Variants in PKHD1 observed in about 807,000 individuals in gnomAD.
The protein encoded by PKHD1 is PKHD1 ciliary IPT domain containing fibrocystin/polyductin, also known as fibrocystin.
A neutral mutation model predicts 412.0 loss-of-function variants in PKHD1; 291 were observed. The ratio of observed to expected loss-of-function variants is 0.71; its 90% CI spans 0.64 to 0.78. The LOEUF is 0.78. Ranked by LOEUF, PKHD1 falls within the 30% of genes least tolerant of loss-of-function variation. The pLI, the probability that PKHD1 is intolerant of heterozygous loss-of-function variation, is 0.00. For synonymous variants in PKHD1, 1,777 were observed against 1,821.5 expected, an observed-to-expected ratio of 0.98 and a Z score of 0.62; for missense variants, 4,825 against 4,950.7, an observed-to-expected ratio of 0.97 and a Z score of 0.76.
chr6:51,619,356 G>T lies in PKHD1; in HGVS notation c.11950C>A (p.Pro3984Thr). Residue 3984 changes from proline to threonine, a missense_variant, in exon 67 of 67, where the codon CCA becomes ACA. Physicochemically the swap from Pro to Thr is conservative, Grantham distance 38. Transcript: ENST00000371117. Reference sequence around the variant, plus strand: ...TACACCTGCTGAGCAGGAGCACCTGGAGCACAGATGTGCCCATGGGATGTG... The same window carrying T: ...TACACCTGCTGAGCAGGAGCACCTGTAGCACAGATGTGCCCATGGGATGTG... ...GITSHGHICA[P>T]GAPAQQVYLQ... 6.2e-7 allele frequency: 1 copy of T among 1,614,192 alleles called. No individual in the cohort carries two copies. Among genetic ancestry groups the T allele is most frequent in the Non-Finnish European group, 8.5e-7 (1 of 1,180,012 alleles).
In PKHD1 at chr6:51,860,958, C is replaced by A. The variant is rs1304338737; in HGVS notation, c.7734-4888G>T. On this transcript the variant is annotated intron_variant, in intron 48 of 66. Transcript: ENST00000371117. ...TCCTGAGTAGCTGGGATTACAGGCACCCACCACCACACCCAGCTAATTTTT... is the reference window on the plus strand; with the variant it reads ...TCCTGAGTAGCTGGGATTACAGGCAACCACCACCACACCCAGCTAATTTTT... 1.7e-4 allele frequency among the ~76,000 whole-genome samples: 26 copies of A among 151,946 alleles called. 1 individual carries two copies. Among genetic ancestry groups the A allele is most frequent in the Non-Finnish European group, 2.6e-4 (18 of 67,988 alleles).
chr6:51,874,906 G>A lies in PKHD1; in HGVS notation c.7351-4267C>T, dbSNP rs1370759689. Among the ~76,000 whole-genome samples, 4 of 89,406 alleles carry A rather than the reference G, an allele frequency of 4.5e-5. 1 individual carries two copies. The highest frequency in any genetic ancestry group is 2.6e-3 in the East Asian group (2 of 774). The allele number at this position is 89,406 out of a possible 152,430, so 58.7% of individuals were successfully genotyped here. Reference sequence around the variant, plus strand: ...AGTGGGCGCAGGCCAGTGTGTGTGCGCACCGTGCGCGAGCCGAAGCAGGGC... The same window carrying A: ...AGTGGGCGCAGGCCAGTGTGTGTGCACACCGTGCGCGAGCCGAAGCAGGGC... On this transcript the variant is annotated intron_variant, in intron 46 of 66. Transcript: ENST00000371117.
chr6:52,071,992 A>G (rs1810676467), intron 8 of PKHD1, 123 bp downstream of exon 8: 1 of 723,172 alleles, frequency 1.4e-6, no homozygotes, highest in African/African-American at 1.8e-5. Context: ...GCTATGTGTG[A>G]TTTATATTTT....
intron 50 of PKHD1, among the ~76,000 whole-genome samples, chr6:51,838,672 G>A (rs1769661333): frequency 6.6e-6 from 1 of 152,110 alleles, no homozygotes; most frequent in Admixed American, 6.6e-5. Flanking sequence ...GAGACAGAGG[G>A]CTATCTCTTC....
intron 52 of PKHD1, among the ~76,000 whole-genome samples, chr6:51,822,760 T>C (rs927079800): frequency 3.4e-4 from 52 of 152,266 alleles, no homozygotes; most frequent in Middle Eastern, 3.4e-3. Context: ...TTTACATGCA[T>C]CCTCTATTTC....
chr6:51,659,861 C>A lies in PKHD1; in HGVS notation c.10265G>T (p.Trp3422Leu), dbSNP rs1562044017. 1 of 1,613,672 alleles carries A rather than the reference C, an allele frequency of 6.2e-7. No homozygotes were observed. Among genetic ancestry groups the A allele is most frequent in the East Asian group, 2.2e-5 (1 of 44,850 alleles). The change falls in exon 61 of 67, where the codon TGG becomes TTG. Residue 3422 changes from tryptophan to leucine, a missense_variant. By Grantham distance (61) the Trp-to-Leu change is moderately conservative. Transcript: ENST00000371117. ...VLILDSADAIWAIQKLYPVVS... is the reference protein window; with the variant it reads ...VLILDSADAILAIQKLYPVVS... ...AACTGGATATAACTTCTGAATTGCC[C>A]AAATGGCATCAGCGCTATCAAGAAT...
At chr6:51,665,648 G>A (rs138018595) in intron 60 of PKHD1, among the ~76,000 whole-genome samples, 1,627 of 152,236 alleles carry the variant, frequency 0.011, 11 homozygotes, top group Non-Finnish European at 0.016. Flanking sequence ...CAATGAAATT[G>A]TGAGAAGCAG....
intron 48 of PKHD1, among the ~76,000 whole-genome samples, chr6:51,860,285 C>T (rs571143333): frequency 6.6e-6 from 1 of 152,334 alleles, no homozygotes; most frequent in African/African-American, 2.4e-5. Context: ...TACTGACCAT[C>T]ACCAGGGGCC....
intron 54 of PKHD1, 28 bp from the exon 55 acceptor site, chr6:51,772,817 T>G (rs777677661): frequency 7.9e-7 from 1 of 1,272,674 alleles, no homozygotes; most frequent in Non-Finnish European, 1.2e-6. Flanking sequence ...AACAGTTGGA[T>G]AGAAAAATCC....
chr6:52,080,962 G>T (rs773035134), intron 4 of PKHD1, among the ~76,000 whole-genome samples: 7 of 152,108 alleles, frequency 4.6e-5, no homozygotes, highest in African/African-American at 7.2e-5. Flanking sequence ...ATTGTGAAGT[G>T]CTGCTTTTGA....
intron 52 of PKHD1, among the ~76,000 whole-genome samples, chr6:51,801,064 G>T (rs1762837851): frequency 6.6e-6 from 1 of 152,018 alleles, no homozygotes; most frequent in African/African-American, 2.4e-5. Context: ...ATCTTCCTTT[G>T]TAGAAAGAAA....
intron 33 of PKHD1, among the ~76,000 whole-genome samples, chr6:52,021,551 C>T (rs1462766167): frequency 1.3e-5 from 2 of 152,062 alleles, no homozygotes; most frequent in Non-Finnish European, 2.9e-5. Context: ...TTGCACATAC[C>T]CTCTGCAACA....
At chr6:52,026,346 T>G (rs1235809017) in intron 31 of PKHD1, among the ~76,000 whole-genome samples, 165 bp from the exon 32 acceptor site, 1 of 152,212 alleles carries the variant, frequency 6.6e-6, no homozygotes, top group African/African-American at 2.4e-5. Flanking sequence ...TGTGATTATT[T>G]AGACAGGAGT....
intron 37 of PKHD1, among the ~76,000 whole-genome samples, chr6:51,929,488 C>A (rs1200056295): frequency 7.0e-6 from 1 of 142,756 alleles, no homozygotes; most frequent in East Asian, 2.4e-4. Flanking sequence ...TTTAGGGAAC[C>A]CCTAAATCCC....
intron 37 of PKHD1, among the ~76,000 whole-genome samples, chr6:51,924,988 C>T (rs1468382803): frequency 2.0e-5 from 3 of 152,110 alleles, no homozygotes; most frequent in Non-Finnish European, 2.9e-5. Flanking sequence ...AAATAATGTC[C>T]GTTTTATAGA....
intron 66 of PKHD1, among the ~76,000 whole-genome samples, chr6:51,619,762 C>T (rs868631226): frequency 2.6e-5 from 4 of 152,034 alleles, no homozygotes; most frequent in South Asian, 2.1e-4. Context: ...TCATTGTAAG[C>T]GCTAGGCTTC....
chr6:51,688,577 T>G (rs1777751278), intron 60 of PKHD1, among the ~76,000 whole-genome samples: 1 of 149,862 alleles, frequency 6.7e-6, no homozygotes, highest in Admixed American at 6.6e-5. Context: ...ATAAATAATA[T>G]AGATCACTAG....
intron 61 of PKHD1, among the ~76,000 whole-genome samples, chr6:51,651,807 T>C (rs1328041978): frequency 6.6e-6 from 1 of 152,100 alleles, no homozygotes; most frequent in African/African-American, 2.4e-5. Flanking sequence ...ATCTAGGCGT[T>C]ATTGGGTGCT....
intron 16 of PKHD1, among the ~76,000 whole-genome samples, chr6:52,057,598 G>A (rs1469179687): frequency 6.6e-6 from 1 of 152,158 alleles, no homozygotes; most frequent in East Asian, 1.9e-4. Context: ...TGTATTTTTA[G>A]TAGAGATGGG....
Sources: allele counts gnomAD v4.1 joint callset (sites outside exome capture counted in the v4.1 genomes callset), GRCh38; gene constraint gnomAD v4.1.1; transcripts MANE v1.5; gene names NCBI Gene and HGNC (gene_info 2026-07-23, HGNC 2026-07-21).